The following PLLP variants were observed in gnomAD, a reference collection of about 807,000 sequenced individuals.
The protein encoded by PLLP is plasma membrane proteolipid (plasmolipin).
PLLP carries 15 observed loss-of-function variants against 19.7 expected under a neutral mutation model. The observed-to-expected ratio is 0.76, with a 90% CI of 0.51 to 1.17. The LOEUF is 1.17. Ranked by LOEUF, PLLP falls within the 50% of genes most tolerant of loss-of-function variation. PLLP has a pLI of 0.00. For missense variants in PLLP, 255 were observed against 258.3 expected (o/e 0.99, Z 0.09); for synonymous variants, 111 against 116.3 (o/e 0.95, Z 0.29).
intron 2 of PLLP, among the ~76,000 whole-genome samples, chr16:57,261,616 G>C (rs941084236): frequency 1.3e-5 from 2 of 152,140 alleles, no homozygotes; most frequent in Non-Finnish European, 2.9e-5. Context: ...AGCTACTGGG[G>C]AGGCTGAGAT....
intron 1 of PLLP, among the ~76,000 whole-genome samples, chr16:57,279,590 G>A (rs546134805): frequency 2.0e-5 from 3 of 152,024 alleles, no homozygotes; most frequent in African/African-American, 7.2e-5. Flanking sequence ...TGGGAGGATC[G>A]TCTGAGCCTG....
At chr16:57,265,278 C>T (rs1248863267) in intron 1 of PLLP, among the ~76,000 whole-genome samples, 1 of 152,266 alleles carries the variant, frequency 6.6e-6, no homozygotes, top group African/African-American at 2.4e-5. Flanking sequence ...CAGAAACAGA[C>T]ACACCTGGAG....
In PLLP at chr16:57,266,183, C is replaced by G. The variant is rs544069026; in HGVS notation, c.136-4113G>C. 2.6e-5 allele frequency among the ~76,000 whole-genome samples: 4 copies of G among 152,290 alleles called. No individual in the cohort carries two copies. In the South Asian group the frequency reaches 6.2e-4, roughly 24 times the overall value. The stretch of plus-strand genomic sequence containing the variant: ...CTGGGCTGGGCACCCAGGCTCCCCC[C>G]ACTGCCCGCCGCCATCCCTGCCCCG... On this transcript the variant is annotated intron_variant, in intron 1 of 3. Coordinates refer to ENST00000219207, the MANE Select transcript of PLLP (RefSeq NM_015993.3).
chr16:57,275,862 T>G (rs1204433288), intron 1 of PLLP, among the ~76,000 whole-genome samples: 1 of 152,234 alleles, frequency 6.6e-6, no homozygotes, highest in African/African-American at 2.4e-5. Flanking sequence ...GCATTTATAA[T>G]TTCAGCACTT....
chr16:57,284,359 G>C, intron 1 of PLLP, 47 bp downstream of exon 1: 3 of 1,324,826 alleles, frequency 2.3e-6, no homozygotes, highest in South Asian at 1.9e-5. Context: ...CATCCTGGCC[G>C]GACCGGGAGC....
At chr16:57,261,123 G>C (rs1477820507) in intron 2 of PLLP, among the ~76,000 whole-genome samples, 1 of 152,052 alleles carries the variant, frequency 6.6e-6, no homozygotes, top group African/African-American at 2.4e-5. Context: ...AAGTAGCTGG[G>C]ACTAGAGGCG....
At chr16:57,283,876 C>T (rs868149808) in intron 1 of PLLP, among the ~76,000 whole-genome samples, 1 of 152,184 alleles carries the variant, frequency 6.6e-6, no homozygotes, top group African/African-American at 2.4e-5. Flanking sequence ...GATGTGCCCT[C>T]TAGATTAGAT....
chr16:57,276,219 G>A lies in PLLP; in HGVS notation c.135+8187C>T, dbSNP rs182783200. On this transcript the variant is annotated intron_variant, in intron 1 of 3. Coordinates refer to ENST00000219207, the MANE Select transcript of PLLP (RefSeq NM_015993.3). ...TGCCTGTAATCCCAGCACTTTGGAA[G>A]GCTGAGGCAGGCAGATCATCTGAGG... is the stretch of plus-strand genomic sequence containing the variant. Among the ~76,000 whole-genome samples, 626 of 152,342 alleles carry A rather than the reference G, an allele frequency of 4.1e-3. 3 individuals carry two copies. Among genetic ancestry groups the A allele is most frequent in the Non-Finnish European group, 7.0e-3 (479 of 68,030 alleles).
chr16:57,284,530 A>G lies in PLLP; in HGVS notation c.11T>C (p.Phe4Ser). 1 of 1,380,996 alleles carries G rather than the reference A, an allele frequency of 7.2e-7. No individual in the cohort carries two copies. The highest frequency in any genetic ancestry group is 2.8e-5 in the Admixed American group (1 of 35,146). 85.5% of individuals were successfully genotyped at this position (1,380,996 alleles called of 1,614,324 possible). A position where few individuals can be genotyped will look rare whatever the true frequency, so the allele number is the denominator to read the frequency against. MAE[F>S]PSKVSTRTSS... ...GGTCCGCGTGCTAACTTTCGACGGG[A>G]ACTCGGCCATGGCGGCTCCGCTTGC... Residue 4 changes from phenylalanine to serine, a missense_variant, in exon 1 of 4, where the codon TTC becomes TCC. By Grantham distance (155) the Phe-to-Ser change is radical. Transcript: ENST00000219207.
intron 1 of PLLP, among the ~76,000 whole-genome samples, chr16:57,268,402 G>A (rs1246687090): frequency 5.9e-5 from 9 of 152,208 alleles, no homozygotes. Context: ...TTAACTAGCT[G>A]TGTGACCTCA....
chr16:57,277,548 G>A (rs1250689867), intron 1 of PLLP, among the ~76,000 whole-genome samples: 4 of 152,282 alleles, frequency 2.6e-5, no homozygotes, highest in East Asian at 1.9e-4. Flanking sequence ...CTGAGGTCAC[G>A]TCACTGCACT....
At chr16:57,265,036 C>T (rs1014723154) in intron 1 of PLLP, among the ~76,000 whole-genome samples, 1 of 152,256 alleles carries the variant, frequency 6.6e-6, no homozygotes, top group African/African-American at 2.4e-5. Flanking sequence ...TCAGCACCTG[C>T]TCCTCCCCAC....
intron 2 of PLLP, among the ~76,000 whole-genome samples, chr16:57,261,430 C>T (rs1038068502): frequency 2.0e-5 from 3 of 152,136 alleles, no homozygotes; most frequent in Non-Finnish European, 2.9e-5. Context: ...CCCAAAAAAC[C>T]GTGCACCTAG....
chr16:57,259,257 G>C (rs1215873290), intron 2 of PLLP, among the ~76,000 whole-genome samples: 2 of 152,218 alleles, frequency 1.3e-5, no homozygotes, highest in African/African-American at 4.8e-5. Flanking sequence ...AGAAACACAG[G>C]CTACTCCTCC....
chr16:57,271,221 C>A (rs1172586772), intron 1 of PLLP, among the ~76,000 whole-genome samples: 1 of 152,140 alleles, frequency 6.6e-6, no homozygotes, highest in Non-Finnish European at 1.5e-5. Context: ...TGAGCCGCCC[C>A]TGGACCCCCA....
chr16:57,259,934 G>A (rs1204658713), intron 2 of PLLP, among the ~76,000 whole-genome samples: 9 of 150,888 alleles, frequency 6.0e-5, no homozygotes, highest in African/African-American at 2.2e-4. Context: ...CTAAGATCGT[G>A]CCACTGCACT....
At chr16:57,260,315 C>G (rs1436636655) in intron 2 of PLLP, among the ~76,000 whole-genome samples, 1 of 152,176 alleles carries the variant, frequency 6.6e-6, no homozygotes, top group African/African-American at 2.4e-5. Context: ...TTAACAGCCA[C>G]GGCTGGAGCC....
intron 1 of PLLP, among the ~76,000 whole-genome samples, chr16:57,271,749 G>A (rs1320519857): frequency 6.6e-6 from 1 of 152,016 alleles, no homozygotes; most frequent in East Asian, 1.9e-4. Flanking sequence ...GTCAGATCAA[G>A]CAGGTCCTCC....
intron 1 of PLLP, among the ~76,000 whole-genome samples, chr16:57,275,202 C>A (rs1901135696): frequency 6.6e-6 from 1 of 151,886 alleles, no homozygotes; most frequent in Admixed American, 6.6e-5. Flanking sequence ...CAATTTTGCA[C>A]CTTGCTTTTT....
Sources: allele counts gnomAD v4.1 joint callset (sites outside exome capture counted in the v4.1 genomes callset), GRCh38; gene constraint gnomAD v4.1.1; transcripts MANE v1.5; gene names NCBI Gene and HGNC (gene_info 2026-07-23, HGNC 2026-07-21).